Variants in NHSL1 observed in about 807,000 individuals in gnomAD.
NHSL1 encodes the protein NHS-like protein 1.
In NHSL1, 48 loss-of-function variants were observed where a neutral mutation model predicts 95.0. That is an observed-to-expected ratio of 0.51 (90% CI 0.40 to 0.64). The LOEUF (loss-of-function observed/expected upper bound fraction) is 0.64, where lower values mean the gene tolerates loss of function less well. NHSL1 is among the 30% of genes least tolerant of loss of function. The pLI, the probability that NHSL1 is intolerant of heterozygous loss-of-function variation, is 0.00. For synonymous variants in NHSL1, 783 were observed against 833.9 expected, an observed-to-expected ratio of 0.94 and a Z score of 1.05; for missense variants, 1,971 against 2,077.7, an observed-to-expected ratio of 0.95 and a Z score of 1.00.
At chr6:138,482,070 C>T (rs921424064) in intron 2 of NHSL1, among the ~76,000 whole-genome samples, 4 of 152,006 alleles carry the variant, frequency 2.6e-5, no homozygotes, top group Non-Finnish European at 5.9e-5. Context: ...AAAGAGAGGG[C>T]CAATATGAAA....
chr6:138,536,767 T>G (rs1010171890), intron 1 of NHSL1, among the ~76,000 whole-genome samples: 2 of 152,130 alleles, frequency 1.3e-5, no homozygotes, highest in Non-Finnish European at 2.9e-5. Context: ...TTTGTCCTAA[T>G]GCTCTCCCTC....
At chr6:138,436,709 TCAATG>T (rs1326809398) in intron 5 of NHSL1, among the ~76,000 whole-genome samples, 1 of 152,010 alleles carries the variant, frequency 6.6e-6, no homozygotes, top group African/African-American at 2.4e-5. Context: ...AGAGGAGGAG[TCAATG>T]CCTGTCTTCA....
At chr6:138,527,280 A>G (rs1352274275) in intron 1 of NHSL1, among the ~76,000 whole-genome samples, 1 of 152,028 alleles carries the variant, frequency 6.6e-6, no homozygotes, top group Non-Finnish European at 1.5e-5. Context: ...AACCACTATG[A>G]AACACCAAAA....
At chr6:138,497,728 T>C (rs1375045863) in intron 1 of NHSL1, among the ~76,000 whole-genome samples, 1 of 152,196 alleles carries the variant, frequency 6.6e-6, no homozygotes, top group African/African-American at 2.4e-5. Flanking sequence ...CCCCAAACTT[T>C]GAACTGTCAC....
In NHSL1 at chr6:138,459,447, A is replaced by G. The variant is rs189392506; in HGVS notation, c.340-12254T>C. ...ATTGATTGCTGTATATTACTTGTAT[A>G]CCTTACTATATCATTGAACTGTTAT... On this transcript the variant is annotated intron_variant, in intron 3 of 7. Coordinates refer to ENST00000343505, the MANE Select transcript of NHSL1 (RefSeq NM_001144060.2). Among the ~76,000 whole-genome samples, 4 of 152,308 alleles carry G rather than the reference A, an allele frequency of 2.6e-5. No homozygotes were observed. The East Asian group carries it at 7.7e-4, about 29-fold the overall frequency.
chr6:138,428,568 C>A (rs1474400808), intron 7 of NHSL1, among the ~76,000 whole-genome samples: 1 of 152,182 alleles, frequency 6.6e-6, no homozygotes, highest in African/African-American at 2.4e-5. Context: ...ACGTAAAGAG[C>A]GTAATTCTTG....
At chr6:138,576,990 G>A (rs989219652), upstream of NHSL1, among the ~76,000 whole-genome samples, 1 of 152,144 alleles carries the variant, frequency 6.6e-6, no homozygotes, top group Non-Finnish European at 1.5e-5. Context: ...AATTACTAGA[G>A]GAAGTTCTAG....
chr6:138,478,939 C>A (rs1412313274), intron 2 of NHSL1, among the ~76,000 whole-genome samples: 1 of 152,160 alleles, frequency 6.6e-6, no homozygotes, highest in Non-Finnish European at 1.5e-5. Context: ...AAAATAATGT[C>A]ATAGCGCTAG....
chr6:138,576,398 C>T (rs1364137219), upstream of NHSL1, among the ~76,000 whole-genome samples: 1 of 152,154 alleles, frequency 6.6e-6, no homozygotes, highest in Non-Finnish European at 1.5e-5. Context: ...CCAAGAAAAC[C>T]TACATTAGAC....
At chr6:138,513,347 C>G (rs1056129137) in intron 1 of NHSL1, among the ~76,000 whole-genome samples, 1 of 152,094 alleles carries the variant, frequency 6.6e-6, no homozygotes, top group Non-Finnish European at 1.5e-5. Flanking sequence ...TATGAATAAA[C>G]CTAACATTTA....
At chr6:138,464,305 G>A in intron 3 of NHSL1, 1 of 683,384 alleles carries the variant, frequency 1.5e-6, no homozygotes, top group Non-Finnish European at 2.6e-6. Flanking sequence ...GGGCGGACTG[G>A]GCCCTCAGCG....
chr6:138,430,601 T>C lies in NHSL1; in HGVS notation c.3744A>G (p.Ala1248=), dbSNP rs374938773. Residue 1248 remains alanine (A), a synonymous_variant, in exon 6 of 8, where the codon GCA becomes GCG. Transcript: ENST00000343505. This position sits in a 1 kb window ranked among gnomAD's most constrained non-coding sequence, Gnocchi z 4.7. ...GCGTGGCATGAGAGCCAGCTTGGGC[T>C]GCAGAACTCTCTTTTGCCTCCCTGC... ...VHSREAKESS[A]AQAGSHATHP... is the part of the protein sequence containing the mutation. 960 of 1,550,404 alleles carry C rather than the reference T, an allele frequency of 6.2e-4. 7 individuals are homozygous for C. The highest frequency in any genetic ancestry group is 8.1e-5 in the Non-Finnish European group (93 of 1,146,002).
At chr6:138,530,258 C>T (rs1162692283) in intron 1 of NHSL1, among the ~76,000 whole-genome samples, 2 of 152,112 alleles carry the variant, frequency 1.3e-5, no homozygotes, top group Non-Finnish European at 2.9e-5. Flanking sequence ...TGAGATACCA[C>T]CTTACTCTTG....
At chr6:138,601,916 T>C (rs1407938657) in intron 1 of NHSL1, among the ~76,000 whole-genome samples, 2 of 152,034 alleles carry the variant, frequency 1.3e-5, no homozygotes, top group Non-Finnish European at 2.9e-5. Flanking sequence ...AATAAGAAAA[T>C]GTACACACTT....
intron 2 of NHSL1, among the ~76,000 whole-genome samples, chr6:138,474,750 A>G (rs1355664558): frequency 6.6e-6 from 1 of 152,250 alleles, no homozygotes; most frequent in Non-Finnish European, 1.5e-5. Context: ...AGAACACAAC[A>G]TATTTTTAAT....
At position 138,437,333 on chromosome 6, in the gene NHSL1, TATATATATACAC is replaced by T. The variant is rs1225717679; in HGVS notation, c.665-3665_665-3654del. ...ATATATATATATACACACACACATA[TATATATATACAC>T]ATATATATATACACATATATATATA... On this transcript the variant is annotated intron_variant, in intron 5 of 7. Coordinates refer to ENST00000343505, the MANE Select transcript of NHSL1 (RefSeq NM_001144060.2). Among the ~76,000 whole-genome samples the T allele has an allele frequency of 8.0e-3, 587 of 73,640 alleles. 52 individuals are homozygous for T. Among genetic ancestry groups the T allele is most frequent in the African/African-American group, 0.035 (555 of 16,004 alleles). The allele number at this position is 73,640 out of a possible 152,430, so 48.3% of individuals were successfully genotyped here.
At chr6:138,450,747 C>A (rs1341895823) in intron 3 of NHSL1, among the ~76,000 whole-genome samples, 1 of 152,110 alleles carries the variant, frequency 6.6e-6, no homozygotes, top group Non-Finnish European at 1.5e-5. Flanking sequence ...AAGTTATATG[C>A]AAATGTGACT....
chr6:138,614,399 A>T (rs755584727), intron 1 of NHSL1, among the ~76,000 whole-genome samples: 3 of 152,192 alleles, frequency 2.0e-5, no homozygotes, highest in Admixed American at 6.5e-5. Context: ...TGGGCTGCCT[A>T]CTTTTGAACT....
At chr6:138,637,848 A>G (rs908416455) in intron 1 of NHSL1, among the ~76,000 whole-genome samples, 1 of 152,202 alleles carries the variant, frequency 6.6e-6, no homozygotes, top group African/African-American at 2.4e-5. Context: ...ATAGAACTAC[A>G]ATATTATCCA....
Sources: allele counts gnomAD v4.1 joint callset (sites outside exome capture counted in the v4.1 genomes callset), GRCh38; gene constraint gnomAD v4.1.1; non-coding constraint Gnocchi (gnomAD v3.1); transcripts MANE v1.5; gene names NCBI Gene and HGNC (gene_info 2026-07-23, HGNC 2026-07-21).